The following TANK variants were observed in gnomAD, a reference collection of about 807,000 sequenced individuals.
TANK encodes the protein TRAF family member-associated NF-kappa-B activator.
A neutral mutation model predicts 43.6 loss-of-function variants in TANK; 15 were observed. That is an observed-to-expected ratio of 0.34 (90% CI 0.23 to 0.53). The LOEUF (loss-of-function observed/expected upper bound fraction) is 0.53. TANK is among the 20% of genes least tolerant of loss of function. The pLI is 0.94. For synonymous variants in TANK, 162 were observed against 178.2 expected (o/e 0.91, Z 0.73); for missense variants, 417 against 498.6 (o/e 0.84, Z 1.56).
At chr2:161,228,471 C>T (rs944475662) in intron 6 of TANK, among the ~76,000 whole-genome samples, 3 of 152,112 alleles carry the variant, frequency 2.0e-5, no homozygotes, top group African/African-American at 4.8e-5. Context: ...GCAGAGGTTG[C>T]GGTGAGCCAA....
chr2:161,160,762 G>A, intron 1 of TANK: 1 of 568,926 alleles, frequency 1.8e-6, no homozygotes, highest in Non-Finnish European at 3.4e-6. Flanking sequence ...GGCTTCAAGG[G>A]AGGGACTCGT....
intron 2 of TANK, among the ~76,000 whole-genome samples, chr2:161,199,817 G>T (rs1375148714): frequency 1.3e-5 from 2 of 152,326 alleles, no homozygotes; most frequent in East Asian, 3.9e-4. Flanking sequence ...GCCAAGGTGG[G>T]AGGATCACTT....
At chr2:161,145,123 G>T (rs992450872) in intron 1 of TANK, among the ~76,000 whole-genome samples, 2 of 139,078 alleles carry the variant, frequency 1.4e-5, no homozygotes, top group South Asian at 4.6e-4. Flanking sequence ...GACTAGGACT[G>T]CAACCCCTGC....
intron 1 of TANK, among the ~76,000 whole-genome samples, chr2:161,151,880 G>A (rs1399356283): frequency 6.6e-6 from 1 of 151,792 alleles, no homozygotes; most frequent in Non-Finnish European, 1.5e-5. Context: ...GTCTTATTTT[G>A]TATTTTAGCT....
At chr2:161,162,059 G>A (rs910635993) in intron 1 of TANK, among the ~76,000 whole-genome samples, 3 of 151,888 alleles carry the variant, frequency 2.0e-5, no homozygotes, top group African/African-American at 7.3e-5. Context: ...TTATGACTAG[G>A]CAGCCATTTT....
chr2:161,203,364 A>ATTCCTGG, intron 2 of TANK, 123 bp from the exon 3 acceptor site: 1 of 627,948 alleles, frequency 1.6e-6, no homozygotes, highest in Non-Finnish European at 2.8e-6. Flanking sequence ...TGTATCTCAT[A>ATTCCTGG]AATCACAATA....
chr2:161,175,525 G>A (rs1238466406), intron 1 of TANK, among the ~76,000 whole-genome samples: 1 of 152,088 alleles, frequency 6.6e-6, no homozygotes, highest in Non-Finnish European at 1.5e-5. Context: ...TCATAAGCCA[G>A]CAAATACCTT....
chr2:161,161,209 G>A, intron 1 of TANK: 4 of 1,523,528 alleles, frequency 2.6e-6, no homozygotes, highest in East Asian at 2.5e-5. Flanking sequence ...GAAGAGCTGT[G>A]CCTTTATTGT....
intron 4 of TANK, chr2:161,207,777 T>G: frequency 1.0e-6 from 1 of 985,428 alleles, no homozygotes; most frequent in Non-Finnish European, 1.2e-6. Flanking sequence ...ATATTCAAGC[T>G]TCTTCCACAA....
chr2:161,208,163 G>A (rs1686730184), intron 4 of TANK: 1 of 985,204 alleles, frequency 1.0e-6, no homozygotes, highest in Non-Finnish European at 1.2e-6. Context: ...AAAGACTTGT[G>A]GACATTTTGG....
intron 1 of TANK, chr2:161,137,824 A>C (rs909661699): frequency 3.9e-5 from 6 of 152,196 alleles, no homozygotes; most frequent in Admixed American, 3.9e-4. Context: ...AAATACAAAA[A>C]TTAGCCGGGC....
chr2:161,221,882 AAAG>A (rs1687361400), intron 4 of TANK, among the ~76,000 whole-genome samples: 3 of 152,114 alleles, frequency 2.0e-5, no homozygotes, highest in African/African-American at 7.2e-5. Context: ...TTCTAACCCC[AAAG>A]AAGCTGAAGA....
intron 6 of TANK, among the ~76,000 whole-genome samples, chr2:161,227,600 T>C (rs917643785): frequency 6.6e-6 from 1 of 152,256 alleles, no homozygotes; most frequent in Non-Finnish European, 1.5e-5. Context: ...ACAATTATTA[T>C]AATAGTACAT....
At chr2:161,196,236 G>A (rs1686142554) in intron 2 of TANK, among the ~76,000 whole-genome samples, 1 of 152,150 alleles carries the variant, frequency 6.6e-6, no homozygotes, top group Admixed American at 6.5e-5. Flanking sequence ...ACTTTTGGCG[G>A]GGTAGAGAGG....
intron 1 of TANK, among the ~76,000 whole-genome samples, chr2:161,153,727 A>C (rs978403427): frequency 6.6e-6 from 1 of 151,492 alleles, no homozygotes; most frequent in Non-Finnish European, 1.5e-5. Flanking sequence ...TGCATGTAGA[A>C]CCACCTACTA....
intron 1 of TANK, among the ~76,000 whole-genome samples, chr2:161,139,238 T>G (rs1367762529): frequency 2.0e-5 from 3 of 152,216 alleles, no homozygotes; most frequent in Non-Finnish European, 4.4e-5. Flanking sequence ...CAGTCAACCT[T>G]GTCTTGTTTC....
At chr2:161,188,215 A>T (rs1182470871) in intron 2 of TANK, among the ~76,000 whole-genome samples, 1 of 152,112 alleles carries the variant, frequency 6.6e-6, no homozygotes, top group African/African-American at 2.4e-5. Context: ...ATATAAATAA[A>T]AAATAGAAAA....
intron 1 of TANK, among the ~76,000 whole-genome samples, chr2:161,166,467 C>T (rs1684684277): frequency 6.6e-6 from 1 of 152,230 alleles, no homozygotes; most frequent in African/African-American, 2.4e-5. Context: ...AAGGAAAACA[C>T]ACTTAATATT....
chr2:161,201,503 A>G (rs1455613193), intron 2 of TANK, among the ~76,000 whole-genome samples: 2 of 152,174 alleles, frequency 1.3e-5, no homozygotes, highest in African/African-American at 4.8e-5. Flanking sequence ...AGTTTTTTGG[A>G]CTGGTTACTT....
Sources: allele counts gnomAD v4.1 joint callset (sites outside exome capture counted in the v4.1 genomes callset), GRCh38; gene constraint gnomAD v4.1.1; transcripts MANE v1.5; gene names NCBI Gene and HGNC (gene_info 2026-07-23, HGNC 2026-07-21).